The following PPP1R13L variants were observed in gnomAD, a reference collection of about 807,000 sequenced individuals.
PPP1R13L encodes protein phosphatase 1 regulatory subunit 13 like, also known as relA-associated inhibitor.
PPP1R13L carries 50 observed loss-of-function variants against 80.9 expected under a neutral mutation model. The observed-to-expected ratio is 0.62, with a 90% CI of 0.49 to 0.78. The LOEUF (loss-of-function observed/expected upper bound fraction) is 0.78. Ranked by LOEUF, PPP1R13L falls within the 30% of genes least tolerant of loss-of-function variation. PPP1R13L has a pLI of 0.00. For synonymous variants in PPP1R13L, 602 were observed against 534.3 expected, an observed-to-expected ratio of 1.13 and a Z score of -1.75; for missense variants, 1,200 against 1,205.9, an observed-to-expected ratio of 1.00 and a Z score of 0.07.
Position 45,385,641 on chromosome 19 carries a change from C to G in PPP1R13L, c.2169G>C (p.Thr723=), listed in dbSNP as rs760066265. The G allele has an allele frequency of 2.5e-6, 4 of 1,613,032 alleles. No individual in the cohort carries two copies. The highest frequency in any genetic ancestry group is 1.3e-5 in the African/African-American group (1 of 74,930). ...VQHGAAIFAT[T]LSDGATAFEK... ...CGAAGGCGGTGGCGCCGTCGCTGAG[C>G]GTGGTGGCGAAGATTGCAGCGCCGT... The change falls in exon 11 of 13, where the codon ACG becomes ACC. Residue 723 remains threonine, a synonymous_variant. Transcript: ENST00000360957.
intron 8 of PPP1R13L, among the ~76,000 whole-genome samples, chr19:45,391,590 A>C (rs1031025345): frequency 6.6e-6 from 1 of 152,126 alleles, no homozygotes; most frequent in African/African-American, 2.4e-5. Flanking sequence ...AGGAAAGGGC[A>C]CTTTCTCTTC....
upstream of PPP1R13L, among the ~76,000 whole-genome samples, chr19:45,405,339 T>C (rs1047747971): frequency 2.6e-5 from 4 of 152,194 alleles, no homozygotes; most frequent in African/African-American, 9.6e-5. Context: ...GACTGACTCC[T>C]GAGCCCTTGC....
At chr19:45,391,844 A>T in intron 8 of PPP1R13L, 36 bp downstream of exon 8, 1 of 1,411,288 alleles carries the variant, frequency 7.1e-7, no homozygotes, top group Non-Finnish European at 9.3e-7. Context: ...GGATTCATGT[A>T]GCAAACATAC....
intron 11 of PPP1R13L, among the ~76,000 whole-genome samples, chr19:45,384,261 C>T (rs1335454797): frequency 6.7e-6 from 1 of 150,122 alleles, no homozygotes; most frequent in Non-Finnish European, 1.5e-5. Context: ...TGGCTCACAC[C>T]TATAATCACA....
chr19:45,388,726 AG>A (rs1269048709), intron 8 of PPP1R13L, among the ~76,000 whole-genome samples: 3 of 151,772 alleles, frequency 2.0e-5, no homozygotes, highest in Non-Finnish European at 4.4e-5. Flanking sequence ...TTTTTTTAAG[AG>A]AAGAGTTTCC....
At chr19:45,383,260 C>T (rs1298686942) in intron 11 of PPP1R13L, among the ~76,000 whole-genome samples, 1 of 144,174 alleles carries the variant, frequency 6.9e-6, no homozygotes, top group Non-Finnish European at 1.5e-5. Flanking sequence ...TCCCAAAGTG[C>T]TGGGATTACA....
chr19:45,385,806 G>A lies in PPP1R13L; in HGVS notation c.2081+18C>T, dbSNP rs771750966. 1.2e-6 allele frequency: 2 copies of A among 1,608,976 alleles called. No homozygotes were observed. Among genetic ancestry groups the A allele is most frequent in the Non-Finnish European group, 8.5e-7 (1 of 1,178,260 alleles). On this transcript the variant is annotated intron_variant, in intron 10 of 12. Coordinates refer to ENST00000360957, the MANE Select transcript of PPP1R13L (RefSeq NM_006663.4). ...CCGCCCACGGGGGACCCAGCCCACC[G>A]CGCGGGTCGGGGCTCACCAGCCGTG... is the stretch of plus-strand genomic sequence containing the variant.
chr19:45,405,098 C>A (rs919557613), upstream of PPP1R13L: 5 of 978,922 alleles, frequency 5.1e-6, no homozygotes, highest in Non-Finnish European at 4.9e-6. Flanking sequence ...ACAGGTTAGA[C>A]GACGTGACTT....
chr19:45,396,696 G>T lies in PPP1R13L; in HGVS notation c.561C>A (p.Ser187Arg). The change falls in exon 4 of 13, where the codon AGC (serine) becomes AGA (arginine). Residue 187 changes from serine to arginine, a missense_variant. Transcript: ENST00000360957. The surrounding 1 kb of genome is among the most constrained non-coding windows in gnomAD (Gnocchi z 5.3). ...FLGRAGSPRG[S>R]PLAEGPQAFF... ...AGGCCTGGGGCCCCTCCGCCAGGGG[G>T]CTGCCGCGGGGGGAGCCTGCGCGGC... is the stretch of plus-strand genomic sequence containing the variant. 1 of 1,414,066 alleles carries T rather than the reference G, an allele frequency of 7.1e-7. No individual in the cohort carries two copies. Among genetic ancestry groups the T allele is most frequent in the Admixed American group, 3.0e-5 (1 of 33,266 alleles). 87.6% of individuals were successfully genotyped at this position (1,414,066 alleles called of 1,614,324 possible).
chr19:45,382,394 T>C (rs1972779873), intron 12 of PPP1R13L, 133 bp downstream of exon 12: 1 of 1,069,408 alleles, frequency 9.4e-7, no homozygotes, highest in Admixed American at 2.3e-5. Flanking sequence ...CCATGAGCAA[T>C]AATGAGCTTT....
In PPP1R13L at chr19:45,396,490, C is replaced by G; in HGVS notation, c.713-54G>C. The G allele has an allele frequency of 6.2e-7, 1 of 1,610,392 alleles. No individual in the cohort carries two copies. Among genetic ancestry groups the G allele is most frequent in the Non-Finnish European group, 8.5e-7 (1 of 1,178,756 alleles). ...ACGGGAGGGGTGGCGAGCCCCGGAT[C>G]CTGCCCGCTTTGACCCCGCGAGTCA... On this transcript the variant is annotated intron_variant, in intron 4 of 12. Transcript: ENST00000360957. This position sits in a 1 kb window ranked among gnomAD's most constrained non-coding sequence, Gnocchi z 5.3.
At chr19:45,398,517 G>A (rs1973162796) in intron 1 of PPP1R13L, among the ~76,000 whole-genome samples, 178 bp from the exon 2 acceptor site, 1 of 151,590 alleles carries the variant, frequency 6.6e-6, no homozygotes, top group Non-Finnish European at 1.5e-5. Context: ...CCAAGTCCAT[G>A]CGCCACGGAG....
At chr19:45,391,793 T>C in intron 8 of PPP1R13L, 87 bp downstream of exon 8, 1 of 1,107,064 alleles carries the variant, frequency 9.0e-7, no homozygotes, top group Non-Finnish European at 1.2e-6. Flanking sequence ...TTCGATCTCA[T>C]CTAAGCCACT....
At position 45,402,296 on chromosome 19, in the gene PPP1R13L, T is replaced by C. The variant is rs529826928; in HGVS notation, c.-22+2703A>G. On this transcript the variant is annotated intron_variant, in intron 1 of 12. Coordinates refer to ENST00000360957, the MANE Select transcript of PPP1R13L (RefSeq NM_006663.4). ...GTCTCTCTCGCGCCTGTGGTTAGGC[T>C]GGTCTCGAACTCCTAGCCTCATGGG... is the stretch of plus-strand genomic sequence containing the variant. Among the ~76,000 whole-genome samples the C allele has an allele frequency of 1.6e-3, 243 of 152,360 alleles. 1 individual carries two copies. The highest frequency in any genetic ancestry group is 5.5e-3 in the African/African-American group (228 of 41,594).
At chr19:45,390,086 C>T (rs1312072748) in intron 8 of PPP1R13L, among the ~76,000 whole-genome samples, 1 of 149,146 alleles carries the variant, frequency 6.7e-6, no homozygotes, top group Admixed American at 6.7e-5. Context: ...CCACCACGCC[C>T]GGCCTATTTA....
upstream of PPP1R13L, among the ~76,000 whole-genome samples, chr19:45,405,386 A>G (rs1259209645): frequency 6.6e-6 from 1 of 152,154 alleles, no homozygotes; most frequent in Non-Finnish European, 1.5e-5. Context: ...TTTCCTGATC[A>G]GTATCCCCCA....
intron 11 of PPP1R13L, among the ~76,000 whole-genome samples, chr19:45,384,886 G>A (rs1395657316): frequency 6.6e-6 from 1 of 151,736 alleles, no homozygotes; most frequent in African/African-American, 2.4e-5. Flanking sequence ...TAGAGACAGG[G>A]GGTCTCTACA....
Position 45,386,277 on chromosome 19 carries a change from A to G in PPP1R13L, c.1816-97T>C, listed in dbSNP as rs1972868269. 9.4e-6 allele frequency: 13 copies of G among 1,378,340 alleles called. No individual in the cohort carries two copies. In the Admixed American group the frequency reaches 4.2e-4, roughly 45 times the overall value. 85.4% of individuals were successfully genotyped at this position (1,378,340 alleles called of 1,614,324 possible). On this transcript the variant is annotated intron_variant, in intron 8 of 12. Coordinates refer to ENST00000360957, the MANE Select transcript of PPP1R13L (RefSeq NM_006663.4). ...AGAGGTCCAGGGACTTGTGGCACCC[A>G]TCTAGACAGGGGTAGAACTGGGATT...
rs1973083737 is a variant in PPP1R13L at position 45,396,114 on chromosome 19, C to G, written c.903+54G>C. The stretch of plus-strand genomic sequence containing the variant: ...GAGACTGGCCTTGACCCCGCTCCCC[C>G]ACCCCACTCCTCGACCTTCCCCAGC... On this transcript the variant is annotated intron_variant, in intron 6 of 12. Coordinates refer to ENST00000360957, the MANE Select transcript of PPP1R13L (RefSeq NM_006663.4). This position sits in a 1 kb window ranked among gnomAD's most constrained non-coding sequence, Gnocchi z 5.3. 5 of 1,536,992 alleles carry G rather than the reference C, an allele frequency of 3.3e-6. No homozygotes were observed. The highest frequency in any genetic ancestry group is 2.6e-6 in the Non-Finnish European group (3 of 1,139,570).
Sources: allele counts gnomAD v4.1 joint callset (sites outside exome capture counted in the v4.1 genomes callset), GRCh38; gene constraint gnomAD v4.1.1; non-coding constraint Gnocchi (gnomAD v3.1); transcripts MANE v1.5; gene names NCBI Gene and HGNC (gene_info 2026-07-23, HGNC 2026-07-21).